The following VILL variants were observed in gnomAD, a reference collection of about 807,000 sequenced individuals.
The protein encoded by VILL is villin like.
In VILL, 102 loss-of-function variants were observed where a neutral mutation model predicts 106.3. That is an observed-to-expected ratio of 0.96 (90% CI 0.82 to 1.13). The LOEUF is 1.13. Ranked by LOEUF, VILL falls within the 50% of genes most tolerant of loss-of-function variation. The pLI is 0.00. For synonymous variants in VILL, 431 were observed against 440.3 expected (o/e 0.98, Z 0.27); for missense variants, 1,076 against 1,116.6 (o/e 0.96, Z 0.52).
In VILL at chr3:37,999,055, GCGGGCGGGGCGGGGC is replaced by G; in HGVS notation, c.1081+6_1081+20del. On this transcript the variant is annotated splice_donor_region_variant and intron_variant, in intron 10 of 19. Transcript: ENST00000383759. ...ACCAGAAGCTCGGCGGGAGGGGTGA[GCGGGCGGGGCGGGGC>G]TGACGGGGGCGGGGCGGGACTGGCG... is the stretch of plus-strand genomic sequence containing the variant. The G allele has an allele frequency of 6.7e-7, 1 of 1,502,710 alleles. No homozygotes were observed. The allele number at this position is 1,502,710 out of a possible 1,614,324, so 93.1% of individuals were successfully genotyped here.
At chr3:37,989,405 A>C (rs145424469), upstream of VILL, among the ~76,000 whole-genome samples, 1 of 152,136 alleles carries the variant, frequency 6.6e-6, no homozygotes, top group Non-Finnish European at 1.5e-5. Context: ...TGGGAAGGAA[A>C]CTGGAAAACA....
At chr3:38,005,185 G>A (rs1699892422) in intron 16 of VILL, among the ~76,000 whole-genome samples, 1 of 152,126 alleles carries the variant, frequency 6.6e-6, no homozygotes, top group Non-Finnish European at 1.5e-5. Flanking sequence ...TGATGAAGCT[G>A]TGTGCTCCCA....
rs1195537351 is a variant in VILL at position 38,005,744 on chromosome 3, T to A, written c.1951-48T>A. 8.9e-6 allele frequency: 14 copies of A among 1,564,520 alleles called. No homozygotes were observed. The Middle Eastern group carries it at 1.2e-3, about 129-fold the overall frequency. ...GGAGTGGACAGGAAGGGGTCAGCTC[T>A]GGGCAGCCCCTCCACCTGCCCAAGG... On this transcript the variant is annotated intron_variant, in intron 16 of 19. Coordinates refer to ENST00000383759, the MANE Select transcript of VILL (RefSeq NM_015873.4).
At chr3:37,999,275 C>A in intron 10 of VILL, 64 bp from the exon 11 acceptor site, 7 of 799,892 alleles carry the variant, frequency 8.8e-6, no homozygotes, top group Non-Finnish European at 1.1e-5. Context: ...GAGGAGTGGG[C>A]GGGGCGGAGA....
At chr3:37,992,896 T>C (rs1699630680) in intron 1 of VILL, among the ~76,000 whole-genome samples, 1 of 152,202 alleles carries the variant, frequency 6.6e-6, no homozygotes, top group Non-Finnish European at 1.5e-5. Flanking sequence ...CTCTGTCCCC[T>C]CACCTTGTTC....
rs1699831863 is a variant in VILL, at chr3:38,002,245, G to T, written c.1480-151G>T. 9.9e-6 allele frequency: 7 copies of T among 704,740 alleles called. No homozygotes were observed. The South Asian group carries it at 1.4e-4, about 14-fold the overall frequency. 43.7% of individuals were successfully genotyped at this position (704,740 alleles called of 1,614,324 possible). A position where few individuals can be genotyped will look rare whatever the true frequency, so the allele number is the denominator to read the frequency against. Reference sequence around the variant, plus strand: ...ATGGGATTCCTGCACTCCACACTTAGAGGGTCCTGTACTCCTCATGTGAAA... The same window carrying T: ...ATGGGATTCCTGCACTCCACACTTATAGGGTCCTGTACTCCTCATGTGAAA... On this transcript the variant is annotated intron_variant, in intron 13 of 19. Coordinates refer to ENST00000383759, the MANE Select transcript of VILL (RefSeq NM_015873.4).
At position 38,006,930 on chromosome 3, in the gene VILL, T is replaced by G. The variant is rs527268944; in HGVS notation, c.2458-12T>G. 3 of 1,609,760 alleles carry G rather than the reference T, an allele frequency of 1.9e-6. No homozygotes were observed. Among genetic ancestry groups the G allele is most frequent in the Non-Finnish European group, 8.5e-7 (1 of 1,176,312 alleles). On this transcript the variant is annotated splice_polypyrimidine_tract_variant and intron_variant, in intron 19 of 19. Coordinates refer to ENST00000383759, the MANE Select transcript of VILL (RefSeq NM_015873.4). ...ACCCTACCCTGTACCTCCCCCTCTC[T>G]CCCCTGCCCAGTTCTATCTCTCAGA...
Position 38,001,464 on chromosome 3 carries a change from C to A in VILL, c.1191C>A (p.Cys397Ter). The A allele has an allele frequency of 1.2e-6, 2 of 1,614,046 alleles. No individual in the cohort carries two copies. Among genetic ancestry groups the A allele is most frequent in the Non-Finnish European group, 1.7e-6 (2 of 1,179,940 alleles). Residue 397 changes from cysteine (C) to a stop codon, truncating the protein, a stop_gained, in exon 12 of 20, where the codon TGC becomes TGA. Transcript: ENST00000383759. LOFTEE classifies it high-confidence loss of function. Reference protein sequence around the residue: ...DDGSGKVEVWCIQDLHRQPVD... With the variant: ...DDGSGKVEVW Reference sequence around the variant, plus strand: ...GGTCCCTTATTCCCCAGGTGTGGTGCATCCAGGACTTACACAGGCAGCCCG... The same window carrying A: ...GGTCCCTTATTCCCCAGGTGTGGTGAATCCAGGACTTACACAGGCAGCCCG...
intron 1 of VILL, among the ~76,000 whole-genome samples, chr3:37,991,507 G>C (rs1261007185): frequency 1.3e-5 from 2 of 151,472 alleles, no homozygotes; most frequent in Non-Finnish European, 2.9e-5. Flanking sequence ...GGAAATCAGA[G>C]GGGAGAAAGA....
chr3:37,988,456 A>C (rs994864919), upstream of VILL, among the ~76,000 whole-genome samples: 1 of 152,198 alleles, frequency 6.6e-6, no homozygotes, highest in Admixed American at 6.5e-5. Context: ...GTCTATGTTT[A>C]ATGGGTGCAG....
rs1221958973 is a variant in VILL, at chr3:38,006,958, C to CTGACT, written c.2476_2480dup (p.Phe827LeufsTer?). On this transcript the variant is annotated frameshift_variant, in exon 20 of 20. Transcript: ENST00000383759. LOFTEE classifies it high-confidence loss of function. ...CCTGCCCAGTTCTATCTCTCAGACT[C>CTGACT]TGACTTCCAAGATATCTTTGGGAAA... 6.2e-6 allele frequency: 10 copies of CTGACT among 1,613,956 alleles called. No homozygotes were observed. Among genetic ancestry groups the CTGACT allele is most frequent in the African/African-American group, 1.3e-5 (1 of 74,918 alleles).
At chr3:38,002,627 C>A (rs780611405) in intron 14 of VILL, 52 bp downstream of exon 14, 6 of 1,574,950 alleles carry the variant, frequency 3.8e-6, no homozygotes, top group Admixed American at 1.7e-5. Context: ...TGGTGCCAGG[C>A]TGGGGGTGGG....
chr3:37,999,299 G>T (rs763136327), intron 10 of VILL, 40 bp from the exon 11 acceptor site: 25 of 1,404,222 alleles, frequency 1.8e-5, no homozygotes, highest in Non-Finnish European at 2.4e-5. Context: ...TGTTGGGGGG[G>T]GGCAGAGGGC....
Position 37,997,313 on chromosome 3 carries a change from G to A in VILL, c.561+126G>A. ...GCTACAACCCAAGAAACGCCTATGA[G>A]TTACAAGCTGAGTTCAGACCCTGCA... On this transcript the variant is annotated intron_variant, in intron 6 of 19. Transcript: ENST00000383759. The surrounding 1 kb of genome is among the most constrained non-coding windows in gnomAD (Gnocchi z 4.7). The A allele has an allele frequency of 4.2e-6, 5 of 1,197,702 alleles. No homozygotes were observed. Among genetic ancestry groups the A allele is most frequent in the Non-Finnish European group, 6.0e-6 (5 of 838,602 alleles). The allele number at this position is 1,197,702 out of a possible 1,614,324, so 74.2% of individuals were successfully genotyped here. A position where few individuals can be genotyped will look rare whatever the true frequency, so the allele number is the denominator to read the frequency against.
chr3:37,993,274 G>A (rs1699636296), intron 1 of VILL: 1 of 195,724 alleles, frequency 5.1e-6, no homozygotes, highest in Non-Finnish European at 1.1e-5. Flanking sequence ...TGTTTGCAGA[G>A]CCTGTGTTTA....
At chr3:37,988,264 G>A (rs1369778163), upstream of VILL, 1 of 152,332 alleles carries the variant, frequency 6.6e-6, no homozygotes, top group Non-Finnish European at 1.5e-5. Context: ...AGTGATGGGA[G>A]AGGCAGCCGG....
chr3:37,991,117 C>T (rs1188393063), intron 1 of VILL: 2 of 152,286 alleles, frequency 1.3e-5, no homozygotes, highest in Non-Finnish European at 2.9e-5. Flanking sequence ...CCCCATCCTC[C>T]TTTCCCCTCA....
rs751936371 is a variant in VILL, at chr3:37,998,187, C to T, written c.843+19C>T. On this transcript the variant is annotated intron_variant, in intron 8 of 19. Coordinates refer to ENST00000383759, the MANE Select transcript of VILL (RefSeq NM_015873.4). The surrounding 1 kb of genome is among the most constrained non-coding windows in gnomAD (Gnocchi z 4.1). Reference sequence around the variant, plus strand: ...GGAGGAGGTGAGGAAGGCCTGGCCCCAGCTACTTGCATCCTTCCCCATCCA... The same window carrying T: ...GGAGGAGGTGAGGAAGGCCTGGCCCTAGCTACTTGCATCCTTCCCCATCCA... 6.2e-7 allele frequency: 1 copy of T among 1,613,994 alleles called. No individual in the cohort carries two copies. Among genetic ancestry groups the T allele is most frequent in the Non-Finnish European group, 8.5e-7 (1 of 1,179,922 alleles).
chr3:38,006,323 G>A (rs1454734497), intron 18 of VILL, 71 bp downstream of exon 18: 29 of 1,611,326 alleles, frequency 1.8e-5, no homozygotes, highest in African/African-American at 2.7e-5. Flanking sequence ...ATGGGCAGGG[G>A]AAGTGCCAGG....
Sources: allele counts gnomAD v4.1 joint callset (sites outside exome capture counted in the v4.1 genomes callset), GRCh38; gene constraint gnomAD v4.1.1; non-coding constraint Gnocchi (gnomAD v3.1); transcripts MANE v1.5; gene names NCBI Gene and HGNC (gene_info 2026-07-23, HGNC 2026-07-21).